CDH23: variants seen among roughly 807,000 people sequenced by gnomAD.
CDH23 encodes cadherin-23.
A neutral mutation model predicts 317.1 loss-of-function variants in CDH23; 189 were observed. The ratio of observed to expected loss-of-function variants is 0.60; its 90% CI spans 0.53 to 0.67. The LOEUF (loss-of-function observed/expected upper bound fraction) is 0.67, where lower values mean the gene tolerates loss of function less well. Ranked by LOEUF, CDH23 falls within the 30% of genes least tolerant of loss-of-function variation. CDH23 has a pLI of 0.00. For missense variants in CDH23, 4,401 were observed against 4,592.4 expected (o/e 0.96, Z 1.20); for synonymous variants, 1,839 against 1,876.8 (o/e 0.98, Z 0.52).
chr10:71,425,537 C>T (rs572547532), intron 1 of CDH23, among the ~76,000 whole-genome samples: 7 of 152,216 alleles, frequency 4.6e-5, no homozygotes, highest in African/African-American at 1.7e-4. Flanking sequence ...GAGCCAGCCC[C>T]GCCCATCTGC....
At chr10:71,724,161 G>A in intron 29 of CDH23, 56 bp downstream of exon 29, 5 of 1,528,330 alleles carry the variant, frequency 3.3e-6, no homozygotes, top group Non-Finnish European at 4.4e-6. Flanking sequence ...GGAGGGCAGA[G>A]CTTCTCTAGG....
intron 22 of CDH23, 50 bp from the exon 23 acceptor site, chr10:71,701,972 C>T (rs1865603982): frequency 1.3e-6 from 2 of 1,589,790 alleles, no homozygotes; most frequent in East Asian, 4.5e-5. Context: ...AGCCCAGAGA[C>T]ACCCTCCCCA....
intron 38 of CDH23, chr10:71,750,782 C>A: frequency 6.4e-6 from 1 of 155,238 alleles, no homozygotes; most frequent in Non-Finnish European, 1.4e-5. Flanking sequence ...GGAAGTCTGA[C>A]AGAAGAGCAG....
intron 3 of CDH23, among the ~76,000 whole-genome samples, chr10:71,509,008 A>C (rs1043011444): frequency 3.3e-5 from 5 of 152,184 alleles, no homozygotes; most frequent in Admixed American, 6.5e-5. Flanking sequence ...GAGCCCCAGG[A>C]GATGATGCCC....
At chr10:71,798,701 C>A in intron 50 of CDH23, 123 bp downstream of exon 50, 1 of 760,960 alleles carries the variant, frequency 1.3e-6, no homozygotes, top group Non-Finnish European at 2.1e-6. Context: ...AGATGGCCAG[C>A]ATTCCATGCC....
chr10:71,595,192 C>T (rs954308415), intron 9 of CDH23, among the ~76,000 whole-genome samples: 2 of 152,186 alleles, frequency 1.3e-5, no homozygotes, highest in African/African-American at 2.4e-5. Flanking sequence ...ATTGACATCA[C>T]CTAGAGAAAA....
At chr10:71,627,646 C>T (rs1373807625) in intron 11 of CDH23, among the ~76,000 whole-genome samples, 1 of 152,204 alleles carries the variant, frequency 6.6e-6, no homozygotes, top group East Asian at 1.9e-4. Context: ...CGCCGGTTCC[C>T]GCAGCTCCCA....
intron 3 of CDH23, among the ~76,000 whole-genome samples, chr10:71,491,387 G>A (rs1852649211): frequency 6.6e-6 from 1 of 152,198 alleles, no homozygotes; most frequent in Admixed American, 6.5e-5. Flanking sequence ...CCTGAGACAT[G>A]CAGGCAAGCA....
rs1184219150 is a variant in CDH23, at chr10:71,797,178, A to T, written c.6787A>T (p.Asn2263Tyr). ...TGAGGTCACTCTCTCAGTGATTGAC[A>T]ATGCCAGCGACCTACCAGAGCGCTC... is the stretch of plus-strand genomic sequence containing the variant. ...TYEVTLSVID[N>Y]ASDLPERSVS... The change falls in exon 49 of 70, where the codon AAT becomes TAT. Residue 2263 changes from asparagine (N) to tyrosine (Y), a missense_variant. By Grantham distance (143) the Asn-to-Tyr change is moderately radical. This residue lies in a region of CDH23 where 3,068 missense variants were observed against 3,203.3 expected (regional missense o/e 0.96). Coordinates refer to ENST00000224721, the MANE Select transcript of CDH23 (RefSeq NM_022124.6). 6.2e-7 allele frequency: 1 copy of T among 1,613,594 alleles called. No individual in the cohort carries two copies. Among genetic ancestry groups the T allele is most frequent in the East Asian group, 2.2e-5 (1 of 44,888 alleles).
chr10:71,747,404 G>A (rs1372846358), intron 38 of CDH23, among the ~76,000 whole-genome samples: 1 of 152,226 alleles, frequency 6.6e-6, no homozygotes, highest in East Asian at 1.9e-4. Flanking sequence ...AACGTTTCTG[G>A]TGTGCAGTAC....
chr10:71,813,546 G>C lies in CDH23; in HGVS notation c.9738+198G>C, dbSNP rs114968425. On this transcript the variant is annotated intron_variant, in intron 69 of 69. Transcript: ENST00000224721. ...TGGGGGCTTTCACAGGAATGGGGTA[G>C]TCTCTAAGGCAGTCTTTCTCTGATT... Among the ~76,000 whole-genome samples, 605 of 152,306 alleles carry C rather than the reference G, an allele frequency of 4.0e-3. 7 individuals are homozygous for C. Among genetic ancestry groups the C allele is most frequent in the Middle Eastern group, 0.031 (9 of 294 alleles).
chr10:71,478,425 C>T (rs1851902113), intron 3 of CDH23, among the ~76,000 whole-genome samples: 1 of 152,220 alleles, frequency 6.6e-6, no homozygotes, highest in South Asian at 2.1e-4. Flanking sequence ...ATGATGCCTT[C>T]TCATCCTTCA....
At chr10:71,625,337 GA>G (rs1212159632) in intron 11 of CDH23, among the ~76,000 whole-genome samples, 39 of 61,558 alleles carry the variant, frequency 6.3e-4, no homozygotes, top group Middle Eastern at 0.014. Flanking sequence ...GAGGGGCATA[GA>G]AAAAAAAAAC....
intron 38 of CDH23, among the ~76,000 whole-genome samples, chr10:71,767,959 G>T (rs1193407830): frequency 6.6e-6 from 1 of 152,184 alleles, no homozygotes; most frequent in Non-Finnish European, 1.5e-5. Context: ...CCGGCCCGTG[G>T]ATGCTTCTGT....
chr10:71,725,293 C>T (rs1004575211), intron 29 of CDH23, 79 bp from the exon 30 acceptor site: 35 of 1,598,714 alleles, frequency 2.2e-5, no homozygotes, highest in Middle Eastern at 3.3e-4. Flanking sequence ...TGAACTTCTG[C>T]CCCCAACCAT....
rs995372071 is a variant in CDH23, at chr10:71,785,559, G to A, written c.5713-72G>A. On this transcript the variant is annotated intron_variant, in intron 43 of 69. Coordinates refer to ENST00000224721, the MANE Select transcript of CDH23 (RefSeq NM_022124.6). ...CAATTTAGGGAGGCCAAGCAGAGCAGTTGGCATCTGTGGGCCAAAGTAGAA... is the reference window on the plus strand; with the variant it reads ...CAATTTAGGGAGGCCAAGCAGAGCAATTGGCATCTGTGGGCCAAAGTAGAA... The A allele has an allele frequency of 4.3e-5, 43 of 997,788 alleles. No homozygotes were observed. In the East Asian group the frequency reaches 8.4e-4, roughly 19 times the overall value. The allele number at this position is 997,788 out of a possible 1,614,324, so 61.8% of individuals were successfully genotyped here.
chr10:71,741,147 G>A (rs1319648576), intron 37 of CDH23, among the ~76,000 whole-genome samples, 197 bp downstream of exon 37: 3 of 152,222 alleles, frequency 2.0e-5, no homozygotes, highest in Non-Finnish European at 4.4e-5. Context: ...TTGGAGTAGA[G>A]GAGAAGAGAA....
At chr10:71,576,367 C>G (rs924210855) in intron 8 of CDH23, among the ~76,000 whole-genome samples, 1 of 152,118 alleles carries the variant, frequency 6.6e-6, no homozygotes, top group African/African-American at 2.4e-5. Flanking sequence ...GATACAAGTG[C>G]TTGGGGAGGG....
chr10:71,464,639 C>A, intron 3 of CDH23, among the ~76,000 whole-genome samples: 1 of 129,418 alleles, frequency 7.7e-6, no homozygotes, highest in Admixed American at 8.3e-5. Flanking sequence ...CCAATGATGC[C>A]AATGTCAGGG....
Sources: gnomAD v4.1 joint callset for allele counts (sites outside exome capture counted in the v4.1 genomes callset) on GRCh38, gnomAD v4.1.1 for gene constraint, gnomAD v4.1.1 regional missense constraint, MANE v1.5 for transcripts, NCBI Gene and HGNC (gene_info 2026-07-23, HGNC 2026-07-21) for gene names.